DIP2C: variants seen among roughly 807,000 people sequenced by gnomAD.
DIP2C encodes DIP2 acetate--CoA ligase C (putative), also known as disco-interacting protein 2 homolog C.
In DIP2C, 33 loss-of-function variants were observed where a neutral mutation model predicts 192.4. The observed-to-expected ratio is 0.17, with a 90% CI of 0.13 to 0.23. The LOEUF (loss-of-function observed/expected upper bound fraction) is 0.23, where lower values mean the gene tolerates loss of function less well. DIP2C is among the 10% of genes least tolerant of loss of function. DIP2C has a pLI of 1.00. For synonymous variants in DIP2C, 979 were observed against 864.1 expected, an observed-to-expected ratio of 1.13 and a Z score of -2.33; for missense variants, 1,537 against 2,110.1, an observed-to-expected ratio of 0.73 and a Z score of 5.32.
intron 3 of DIP2C, among the ~76,000 whole-genome samples, chr10:456,488 T>C (rs925848068): frequency 1.3e-5 from 2 of 152,202 alleles, no homozygotes; most frequent in Non-Finnish European, 2.9e-5. Context: ...AATGAGTGAC[T>C]GAATCAAAGC....
intron 9 of DIP2C, among the ~76,000 whole-genome samples, 161 bp downstream of exon 9, chr10:408,765 G>A (rs550641869): frequency 1.3e-5 from 2 of 152,224 alleles, no homozygotes; most frequent in African/African-American, 4.8e-5. Flanking sequence ...ACCATTAATA[G>A]TATCTGTCCT....
chr10:435,747 C>A (rs1260566339), intron 4 of DIP2C, among the ~76,000 whole-genome samples: 1 of 152,188 alleles, frequency 6.6e-6, no homozygotes, highest in Non-Finnish European at 1.5e-5. Context: ...AACTCCCCAA[C>A]TCCATTGTAA....
intron 32 of DIP2C, among the ~76,000 whole-genome samples, chr10:300,967 A>G (rs577428641): frequency 6.6e-6 from 1 of 152,366 alleles, no homozygotes; most frequent in African/African-American, 2.4e-5. Context: ...TTAAACAGAA[A>G]AATAAGCTTT....
At chr10:478,692 T>C (rs1228799926) in intron 2 of DIP2C, among the ~76,000 whole-genome samples, 2 of 151,448 alleles carry the variant, frequency 1.3e-5, no homozygotes, top group Non-Finnish European at 2.9e-5. Flanking sequence ...GTTCCCGTCT[T>C]ATTCTCACTC....
intron 1 of DIP2C, chr10:665,164 T>A (rs1857007560): frequency 2.0e-5 from 3 of 152,346 alleles, no homozygotes; most frequent in Admixed American, 6.5e-5. Flanking sequence ...AAATAACACT[T>A]CTGCACCTGT....
chr10:561,836 C>A (rs1355385522), intron 1 of DIP2C, among the ~76,000 whole-genome samples: 1 of 152,202 alleles, frequency 6.6e-6, no homozygotes, highest in African/African-American at 2.4e-5. Flanking sequence ...TACACTTTTT[C>A]CTCCTTAGAT....
At chr10:482,866 G>T (rs1301656316) in intron 2 of DIP2C, among the ~76,000 whole-genome samples, 1 of 152,220 alleles carries the variant, frequency 6.6e-6, no homozygotes. Flanking sequence ...TGAGGGATGG[G>T]TTTGAACCGC....
At chr10:584,172 A>T (rs1424111610) in intron 1 of DIP2C, among the ~76,000 whole-genome samples, 1 of 152,080 alleles carries the variant, frequency 6.6e-6, no homozygotes, top group Non-Finnish European at 1.5e-5. Flanking sequence ...AAAACAAAAC[A>T]TCAACTATGC....
At chr10:456,435 A>C (rs1192380392) in intron 3 of DIP2C, among the ~76,000 whole-genome samples, 1 of 125,430 alleles carries the variant, frequency 8.0e-6, no homozygotes, top group Non-Finnish European at 1.5e-5. Context: ...AGATGAAAAC[A>C]CTCTGCAGTG....
chr10:619,537 G>GCCCGCCCGCCCGCCCGCCCGCCCT (rs1554757178), intron 1 of DIP2C, among the ~76,000 whole-genome samples: 1 of 51,330 alleles, frequency 1.9e-5, no homozygotes, highest in African/African-American at 5.2e-5. Context: ...AAGCCCGCCC[G>GCCCGCCCGCCCGCCCGCCCGCCCT]CCCGCCCTCC....
At chr10:333,372 G>C (rs1309578112) in intron 29 of DIP2C, among the ~76,000 whole-genome samples, 2 of 152,202 alleles carry the variant, frequency 1.3e-5, no homozygotes, top group Admixed American at 1.3e-4. Flanking sequence ...TCTGCAGTCA[G>C]TCCCATTTCC....
At chr10:549,767 G>A (rs796993186) in intron 1 of DIP2C, among the ~76,000 whole-genome samples, 3 of 152,166 alleles carry the variant, frequency 2.0e-5, no homozygotes, top group African/African-American at 7.2e-5. Context: ...GCAAGTCCAG[G>A]TATTTATTTA....
At chr10:490,288 G>C (rs1042038686) in intron 1 of DIP2C, among the ~76,000 whole-genome samples, 3 of 152,164 alleles carry the variant, frequency 2.0e-5, no homozygotes, top group African/African-American at 4.8e-5. Context: ...CTCACCTTGC[G>C]TCCATCAGGG....
At chr10:426,309 G>C (rs1315983986) in intron 4 of DIP2C, among the ~76,000 whole-genome samples, 2 of 151,566 alleles carry the variant, frequency 1.3e-5, no homozygotes, top group African/African-American at 4.9e-5. Context: ...TGTGTACACT[G>C]ACAACTATAA....
intron 36 of DIP2C, among the ~76,000 whole-genome samples, chr10:280,741 C>G (rs1954778742): frequency 6.6e-6 from 1 of 152,256 alleles, no homozygotes; most frequent in Non-Finnish European, 1.5e-5. Flanking sequence ...AGCCTTAACT[C>G]AAGCAATTCT....
At chr10:566,961 C>T (rs774641677) in intron 1 of DIP2C, among the ~76,000 whole-genome samples, 5 of 152,156 alleles carry the variant, frequency 3.3e-5, no homozygotes, top group African/African-American at 9.7e-5. Context: ...ACTGATGTTC[C>T]GGTGGCTCAA....
At chr10:566,662 G>C (rs1208777372) in intron 1 of DIP2C, among the ~76,000 whole-genome samples, 2 of 152,250 alleles carry the variant, frequency 1.3e-5, no homozygotes, top group Admixed American at 1.3e-4. Context: ...CCCTGGCCAA[G>C]ATTTCTTGGG....
intron 1 of DIP2C, among the ~76,000 whole-genome samples, chr10:534,851 T>C (rs984776752): frequency 6.6e-6 from 1 of 151,492 alleles, no homozygotes; most frequent in African/African-American, 2.4e-5. Context: ...TAATTTTTTG[T>C]ATTTTTAGTA....
intron 1 of DIP2C, among the ~76,000 whole-genome samples, chr10:571,713 C>T (rs1849826837): frequency 6.6e-6 from 1 of 152,186 alleles, no homozygotes; most frequent in Non-Finnish European, 1.5e-5. Context: ...GCTGCTGCCC[C>T]GTGGGCTCCG....
Sources: gnomAD v4.1 joint callset for allele counts (sites outside exome capture counted in the v4.1 genomes callset) on GRCh38, gnomAD v4.1.1 for gene constraint, MANE v1.5 for transcripts, NCBI Gene and HGNC (gene_info 2026-07-23, HGNC 2026-07-21) for gene names.